The following FNDC3B variants were observed in gnomAD, a reference collection of about 807,000 sequenced individuals.
FNDC3B encodes the protein fibronectin type III domain containing 3B, also known as fibronectin type III domain-containing protein 3B.
Under a neutral mutation model 151.5 loss-of-function variants are expected in FNDC3B, and 12 were observed. That is an observed-to-expected ratio of 0.08 (90% confidence interval 0.05 to 0.13). The LOEUF (loss-of-function observed/expected upper bound fraction) is 0.13, where lower values mean the gene tolerates loss of function less well. Among genes scored for constraint, FNDC3B ranks in the 10% least tolerant of loss-of-function variants. FNDC3B has a pLI of 1.00. For synonymous variants in FNDC3B, 528 were observed against 549.0 expected, an observed-to-expected ratio of 0.96 and a Z score of 0.54; for missense variants, 1,214 against 1,505.3, an observed-to-expected ratio of 0.81 and a Z score of 3.20.
intron 11 of FNDC3B, among the ~76,000 whole-genome samples, chr3:172,326,917 A>G (rs1732382107): frequency 1.3e-5 from 2 of 152,154 alleles, no homozygotes; most frequent in South Asian, 4.1e-4. Flanking sequence ...GGGGTTTGGA[A>G]GGGATGAGAG....
intron 18 of FNDC3B, 34 bp downstream of exon 18, chr3:172,343,150 A>G (rs199709794): frequency 2.1e-5 from 23 of 1,080,338 alleles, no homozygotes; most frequent in Middle Eastern, 3.9e-4. Flanking sequence ...GACATTGACA[A>G]TTTGGACAAT....
At chr3:172,127,475 T>C (rs1168560996) in intron 2 of FNDC3B, among the ~76,000 whole-genome samples, 1 of 152,160 alleles carries the variant, frequency 6.6e-6, no homozygotes, top group Non-Finnish European at 1.5e-5. Flanking sequence ...AAGCCTCAGT[T>C]TCCCCACTTG....
intron 3 of FNDC3B, among the ~76,000 whole-genome samples, chr3:172,167,910 A>G (rs1559998070): frequency 6.6e-6 from 1 of 152,214 alleles, no homozygotes; most frequent in Non-Finnish European, 1.5e-5. Context: ...CCATGGGACA[A>G]ATTGTCTTCC....
At chr3:172,118,986 G>A (rs1365601136) in intron 2 of FNDC3B, among the ~76,000 whole-genome samples, 2 of 151,768 alleles carry the variant, frequency 1.3e-5, no homozygotes, top group African/African-American at 2.4e-5. Context: ...GACTAACATG[G>A]TGAAACCCCG....
chr3:172,366,427 GA>G (rs1184706928), intron 23 of FNDC3B, among the ~76,000 whole-genome samples: 4 of 151,956 alleles, frequency 2.6e-5, no homozygotes, highest in African/African-American at 9.7e-5. Flanking sequence ...AGTAAAAAGG[GA>G]AATATTTTCT....
intron 2 of FNDC3B, among the ~76,000 whole-genome samples, chr3:172,113,712 C>T (rs1202762488): frequency 1.3e-5 from 2 of 152,286 alleles, no homozygotes; most frequent in South Asian, 2.1e-4. Context: ...ACCTGCACCT[C>T]TCCCCACCCA....
rs1736571895 is a variant in FNDC3B at position 172,401,428 on chromosome 3, G to C, written c.*3953G>C. The C allele has an allele frequency of 6.6e-6, 1 of 152,210 alleles. No homozygotes were observed. Among genetic ancestry groups the C allele is most frequent in the Non-Finnish European group, 1.5e-5 (1 of 68,058 alleles). The allele number at this position is 152,210 out of a possible 1,614,324, so 9.4% of individuals were successfully genotyped here. Reference sequence around the variant, plus strand: ...TTCCTCCATGGGCCAACTAAAAGGTGATTGTGGACTATACAGGCTGCCAGT... The same window carrying C: ...TTCCTCCATGGGCCAACTAAAAGGTCATTGTGGACTATACAGGCTGCCAGT... On this transcript the variant is annotated 3_prime_UTR_variant, in exon 26 of 26. Coordinates refer to ENST00000415807, the MANE Select transcript of FNDC3B (RefSeq NM_022763.4).
chr3:172,217,582 G>A (rs1212433306), intron 3 of FNDC3B, among the ~76,000 whole-genome samples: 1 of 151,848 alleles, frequency 6.6e-6, no homozygotes, highest in African/African-American at 2.4e-5. Context: ...AATGTTGATT[G>A]AATTTAATAA....
At chr3:172,184,613 A>G (rs543996269) in intron 3 of FNDC3B, among the ~76,000 whole-genome samples, 1 of 152,348 alleles carries the variant, frequency 6.6e-6, no homozygotes, top group African/African-American at 2.4e-5. Flanking sequence ...TGTGAAAACC[A>G]GAAAGGCTAA....
intron 23 of FNDC3B, among the ~76,000 whole-genome samples, chr3:172,370,940 G>A (rs1450012711): frequency 1.3e-5 from 2 of 152,194 alleles, no homozygotes; most frequent in East Asian, 3.8e-4. Flanking sequence ...CTGATGAACA[G>A]ACATTGGCAC....
intron 3 of FNDC3B, among the ~76,000 whole-genome samples, chr3:172,220,252 C>T (rs1726213363): frequency 6.6e-6 from 1 of 152,040 alleles, no homozygotes; most frequent in African/African-American, 2.4e-5. Context: ...GTATTTTCCT[C>T]ATGACTGATG....
In FNDC3B at chr3:172,352,932, CCTT is replaced by C. The variant is rs1351279778; in HGVS notation, c.2647_2649del (p.Ser883del). 1 of 1,614,222 alleles carries C rather than the reference CCTT, an allele frequency of 6.2e-7. No homozygotes were observed. The highest frequency in any genetic ancestry group is 8.5e-7 in the Non-Finnish European group (1 of 1,180,042). On this transcript the variant is annotated inframe_deletion, in exon 22 of 26. Coordinates refer to ENST00000415807, the MANE Select transcript of FNDC3B (RefSeq NM_022763.4). The surrounding 1 kb of genome is among the most constrained non-coding windows in gnomAD (Gnocchi z 4.2). ...GCCCCTTGATGCCTACCCTGATTCA[CCTT>C]CTGCGTGCCTTGTACTGAACTGGGA...
intron 3 of FNDC3B, among the ~76,000 whole-genome samples, chr3:172,163,923 C>T (rs1215947849): frequency 6.6e-6 from 1 of 152,190 alleles, no homozygotes; most frequent in African/African-American, 2.4e-5. Context: ...AGACTTTTAG[C>T]AGTTTTGACA....
chr3:172,234,593 A>G (rs909708643), intron 4 of FNDC3B, among the ~76,000 whole-genome samples: 2 of 152,228 alleles, frequency 1.3e-5, no homozygotes, highest in Non-Finnish European at 2.9e-5. Context: ...AGTGTGGCAC[A>G]CTTATTGACA....
chr3:172,161,485 G>A (rs1409244946), intron 3 of FNDC3B, among the ~76,000 whole-genome samples: 1 of 152,180 alleles, frequency 6.6e-6, no homozygotes, highest in Non-Finnish European at 1.5e-5. Flanking sequence ...CTGATGAATA[G>A]AATCAAAACC....
At chr3:172,173,475 T>C (rs917110470) in intron 3 of FNDC3B, among the ~76,000 whole-genome samples, 1 of 151,992 alleles carries the variant, frequency 6.6e-6, no homozygotes, top group African/African-American at 2.4e-5. Flanking sequence ...TTTGAGTTAC[T>C]GTATGACTCA....
At chr3:172,269,112 T>C (rs1729060646) in intron 6 of FNDC3B, among the ~76,000 whole-genome samples, 2 of 152,250 alleles carry the variant, frequency 1.3e-5, no homozygotes, top group African/African-American at 4.8e-5. Flanking sequence ...TTACTTGCTG[T>C]CTAGAACGTT....
chr3:172,200,716 C>T (rs1161793750), intron 3 of FNDC3B, among the ~76,000 whole-genome samples: 2 of 152,074 alleles, frequency 1.3e-5, no homozygotes, highest in African/African-American at 2.4e-5. Flanking sequence ...AGAATGTAAC[C>T]CCCCTCTTAA....
chr3:172,339,230 A>G, intron 16 of FNDC3B, among the ~76,000 whole-genome samples: 1 of 152,142 alleles, frequency 6.6e-6, no homozygotes. Context: ...AGATGAGCAC[A>G]GCTGTTCTAA....
Sources: gnomAD v4.1 joint callset for allele counts (sites outside exome capture counted in the v4.1 genomes callset) on GRCh38, gnomAD v4.1.1 for gene constraint, Gnocchi (gnomAD v3.1) non-coding constraint, MANE v1.5 for transcripts, NCBI Gene and HGNC (gene_info 2026-07-23, HGNC 2026-07-21) for gene names.